GRM7: variants seen among roughly 807,000 people sequenced by gnomAD.
The protein encoded by GRM7 is glutamate metabotropic receptor 7, also known as metabotropic glutamate receptor 7.
Under a neutral mutation model 84.5 loss-of-function variants are expected in GRM7, and 35 were observed. That is an observed-to-expected ratio of 0.41 (90% confidence interval 0.32 to 0.55). GRM7 has a LOEUF of 0.55. Ranked by LOEUF, GRM7 falls within the 20% of genes least tolerant of loss-of-function variation. The pLI is 0.19. For missense variants in GRM7, 1,003 were observed against 1,194.6 expected, an observed-to-expected ratio of 0.84 and a Z score of 2.36; for synonymous variants, 487 against 455.1, an observed-to-expected ratio of 1.07 and a Z score of -0.89.
intron 9 of GRM7, among the ~76,000 whole-genome samples, chr3:7,711,897 G>C (rs1701593445): frequency 6.6e-6 from 1 of 152,196 alleles, no homozygotes; most frequent in Admixed American, 6.5e-5. Flanking sequence ...GTACCCACTT[G>C]AGCTACACTG....
At chr3:7,500,514 C>G (rs1183666542) in intron 7 of GRM7, among the ~76,000 whole-genome samples, 1 of 152,238 alleles carries the variant, frequency 6.6e-6, no homozygotes, top group African/African-American at 2.4e-5. Context: ...CTGACCTTAT[C>G]CAGTCATCTC....
At chr3:7,457,128 G>C (rs371725641) in intron 6 of GRM7, among the ~76,000 whole-genome samples, 134 of 152,220 alleles carry the variant, frequency 8.8e-4, no homozygotes, top group African/African-American at 3.1e-3. Context: ...GTTTCAAGAA[G>C]CTTGAGATTA....
At chr3:7,446,211 A>G (rs920027290) in intron 5 of GRM7, among the ~76,000 whole-genome samples, 1 of 152,204 alleles carries the variant, frequency 6.6e-6, no homozygotes, top group South Asian at 2.1e-4. Flanking sequence ...ACAGCTTCAG[A>G]TCAGACTTTC....
At chr3:7,410,680 G>A (rs57626614) in intron 4 of GRM7, among the ~76,000 whole-genome samples, 5,622 of 132,224 alleles carry the variant, frequency 0.043, 306 homozygotes, top group African/African-American at 0.14. Context: ...ACACACACAC[G>A]CACATTTTGT....
chr3:7,740,022 A>C (rs1702636283), intron 9 of GRM7, among the ~76,000 whole-genome samples: 1 of 152,226 alleles, frequency 6.6e-6, no homozygotes, highest in Non-Finnish European at 1.5e-5. Context: ...AAGAGCACAC[A>C]ACGAAATATA....
At chr3:7,250,811 A>G (rs1163819850) in intron 2 of GRM7, among the ~76,000 whole-genome samples, 1 of 152,216 alleles carries the variant, frequency 6.6e-6, no homozygotes, top group Non-Finnish European at 1.5e-5. Context: ...GGTGTAAGCC[A>G]CCGCATCAAG....
chr3:7,102,914 ATATAG>A (rs1699164081), intron 1 of GRM7, among the ~76,000 whole-genome samples: 1 of 150,296 alleles, frequency 6.7e-6, no homozygotes, highest in South Asian at 2.1e-4. Flanking sequence ...TTTTTCTTTT[ATATAG>A]TTTTATCTGC....
intron 1 of GRM7, among the ~76,000 whole-genome samples, chr3:7,089,113 T>G (rs1235430418): frequency 6.6e-6 from 1 of 152,186 alleles, no homozygotes. Context: ...TAAAAGTATC[T>G]CTTTTGGAAA....
At chr3:6,969,805 G>A (rs1482414808) in intron 1 of GRM7, among the ~76,000 whole-genome samples, 1 of 152,172 alleles carries the variant, frequency 6.6e-6, no homozygotes, top group Non-Finnish European at 1.5e-5. Flanking sequence ...TAGGGGTACA[G>A]GGAATCTCCA....
At chr3:6,910,982 G>C (rs1696748465) in intron 1 of GRM7, among the ~76,000 whole-genome samples, 1 of 152,106 alleles carries the variant, frequency 6.6e-6, no homozygotes, top group African/African-American at 2.4e-5. Flanking sequence ...CACTGTAATA[G>C]CAACTGCAAC....
chr3:7,125,344 T>C (rs1012969539), intron 1 of GRM7, among the ~76,000 whole-genome samples: 2 of 152,196 alleles, frequency 1.3e-5, no homozygotes, highest in Non-Finnish European at 2.9e-5. Context: ...TTGGGAAACA[T>C]AGCAAGAAGA....
chr3:7,091,546 C>T (rs1393559887), intron 1 of GRM7, among the ~76,000 whole-genome samples: 1 of 151,808 alleles, frequency 6.6e-6, no homozygotes, highest in Non-Finnish European at 1.5e-5. Context: ...GCAGTGTCTA[C>T]TCCCTTTTGG....
At chr3:7,359,132 A>T (rs1238216690) in intron 4 of GRM7, among the ~76,000 whole-genome samples, 1 of 128,450 alleles carries the variant, frequency 7.8e-6, no homozygotes, top group Non-Finnish European at 1.7e-5. Flanking sequence ...AAAAAAGAAA[A>T]AAAGAAAGGA....
chr3:7,662,142 C>G (rs983483302), intron 8 of GRM7, among the ~76,000 whole-genome samples: 1 of 151,642 alleles, frequency 6.6e-6, no homozygotes, highest in Non-Finnish European at 1.5e-5. Context: ...ATGAAAGATG[C>G]GAGACAAAAA....
intron 7 of GRM7, among the ~76,000 whole-genome samples, chr3:7,487,936 G>GC (rs542613399): frequency 7.6e-4 from 115 of 152,282 alleles, no homozygotes; most frequent in African/African-American, 2.6e-3. Context: ...AGCCATATGG[G>GC]CTGTACCCAG....
chr3:7,437,699 C>T (rs1278196694), intron 5 of GRM7, among the ~76,000 whole-genome samples: 1 of 151,592 alleles, frequency 6.6e-6, no homozygotes, highest in East Asian at 1.9e-4. Context: ...TTCTTCTTTC[C>T]TTTTCTTTCT....
intron 1 of GRM7, among the ~76,000 whole-genome samples, chr3:7,133,171 AT>A (rs1693660887): frequency 6.6e-6 from 1 of 152,200 alleles, no homozygotes; most frequent in Non-Finnish European, 1.5e-5. Context: ...AGCTCTGATA[AT>A]GGGGAAAGTT....
At position 7,439,916 on chromosome 3, in the gene GRM7, G is replaced by A. The variant is rs1239073481; in HGVS notation, c.1175-12691G>A. On this transcript the variant is annotated intron_variant, in intron 5 of 9. Coordinates refer to ENST00000357716, the MANE Select transcript of GRM7 (RefSeq NM_000844.4). ...CTGGCTATTACTTCTGCTTAATAGA[G>A]CCTTAGGGGAAGAAGTGTTCTCAGC... Among the ~76,000 whole-genome samples the A allele has an allele frequency of 3.3e-5, 5 of 152,250 alleles. No homozygotes were observed. The East Asian group carries it at 9.7e-4, about 29-fold the overall frequency.
rs578052957 is a variant in GRM7 at position 7,698,624 on chromosome 3, T to C, written c.2698+18329T>C. ...CAGTACAGCTAAACCACAGGCCTTT[T>C]CAACCATGGCACTACTGACATGTGG... On this transcript the variant is annotated intron_variant, in intron 9 of 9. Transcript: ENST00000357716. Among the ~76,000 whole-genome samples the C allele has an allele frequency of 6.6e-5, 10 of 152,290 alleles. No homozygotes were observed. The East Asian group carries it at 1.9e-3, about 29-fold the overall frequency.
Sources: allele counts gnomAD v4.1 joint callset (sites outside exome capture counted in the v4.1 genomes callset), GRCh38; gene constraint gnomAD v4.1.1; transcripts MANE v1.5; gene names NCBI Gene and HGNC (gene_info 2026-07-23, HGNC 2026-07-21).